Variants in IMMP2L observed in about 807,000 individuals in gnomAD.
IMMP2L encodes mitochondrial inner membrane protease subunit 2.
IMMP2L carries 18 observed loss-of-function variants against 19.3 expected under a neutral mutation model. The observed-to-expected ratio is 0.93, with a 90% CI of 0.64 to 1.38. IMMP2L has a LOEUF of 1.38. IMMP2L is among the 40% of genes most tolerant of loss of function. IMMP2L has a pLI of 0.00. For synonymous variants in IMMP2L, 76 were observed against 73.0 expected (o/e 1.04, Z -0.21); for missense variants, 233 against 218.2 (o/e 1.07, Z -0.43).
chr7:110,819,973 C>A (rs749468080), intron 5 of IMMP2L, among the ~76,000 whole-genome samples: 1 of 151,656 alleles, frequency 6.6e-6, no homozygotes. Context: ...CCATATTTAC[C>A]TTGTTTTTCA....
chr7:111,339,937 G>C (rs1826845149), intron 3 of IMMP2L, among the ~76,000 whole-genome samples: 1 of 151,976 alleles, frequency 6.6e-6, no homozygotes, highest in Admixed American at 6.6e-5. Flanking sequence ...TAGCCCCCCA[G>C]AGTGCTAGTT....
chr7:111,438,482 A>C lies in IMMP2L; in HGVS notation c.239+48756T>G, dbSNP rs1403792887. ...AGCTCTTTTTATAACAACTTCTGAC[A>C]ATCCTCTAGAGAACAAAAATTCACT... On this transcript the variant is annotated intron_variant, in intron 3 of 5. Coordinates refer to ENST00000405709, the MANE Select transcript of IMMP2L (RefSeq NM_032549.4). 2.0e-5 allele frequency among the ~76,000 whole-genome samples: 3 copies of C among 151,964 alleles called. No individual in the cohort carries two copies. In the East Asian group the frequency reaches 5.8e-4, roughly 29 times the overall value.
chr7:110,746,663 A>C (rs1376686292), intron 5 of IMMP2L, among the ~76,000 whole-genome samples: 2 of 152,216 alleles, frequency 1.3e-5, no homozygotes, highest in Non-Finnish European at 2.9e-5. Context: ...CTGGGTACAT[A>C]ACAAAATGAA....
At chr7:110,978,994 T>G (rs536689689) in intron 3 of IMMP2L, among the ~76,000 whole-genome samples, 2 of 152,214 alleles carry the variant, frequency 1.3e-5, no homozygotes, top group South Asian at 2.1e-4. Flanking sequence ...TTATATTATT[T>G]ATGGGATGGA....
intron 3 of IMMP2L, among the ~76,000 whole-genome samples, chr7:111,108,241 G>A (rs1798771069): frequency 6.6e-6 from 1 of 152,068 alleles, no homozygotes; most frequent in Admixed American, 6.6e-5. Flanking sequence ...TTTTCTAGAG[G>A]ACTTTTCTCA....
chr7:111,124,554 T>C (rs2129590087), intron 3 of IMMP2L: 1 of 1,613,690 alleles, frequency 6.2e-7, no homozygotes, highest in African/African-American at 1.3e-5. Context: ...TTTGTATTGA[T>C]ATTCCCACCA....
chr7:111,129,809 T>C (rs1388100577), intron 3 of IMMP2L, among the ~76,000 whole-genome samples: 1 of 152,168 alleles, frequency 6.6e-6, no homozygotes, highest in East Asian at 1.9e-4. Context: ...AATGAAAATA[T>C]TATTTTTACA....
intron 3 of IMMP2L, among the ~76,000 whole-genome samples, chr7:111,254,023 T>A (rs1172388343): frequency 6.6e-6 from 1 of 152,144 alleles, no homozygotes; most frequent in Admixed American, 6.5e-5. Flanking sequence ...TAACTCCACA[T>A]AGTGCAAGGC....
intron 5 of IMMP2L, among the ~76,000 whole-genome samples, chr7:110,867,550 G>A (rs931419719): frequency 3.3e-5 from 5 of 151,860 alleles, no homozygotes; most frequent in Non-Finnish European, 7.4e-5. Context: ...TGTATGTGGG[G>A]ACCTGAAAGA....
intron 3 of IMMP2L, among the ~76,000 whole-genome samples, chr7:111,364,261 T>C (rs1450594824): frequency 2.0e-5 from 3 of 152,232 alleles, no homozygotes; most frequent in Admixed American, 6.6e-5. Context: ...ATAATTAGCA[T>C]ATTCACTTCT....
intron 3 of IMMP2L, among the ~76,000 whole-genome samples, chr7:111,015,014 G>T (rs1295445543): frequency 6.6e-6 from 1 of 152,126 alleles, no homozygotes; most frequent in African/African-American, 2.4e-5. Flanking sequence ...AAAAAATTAA[G>T]ATTAAAATTA....
intron 3 of IMMP2L, among the ~76,000 whole-genome samples, chr7:111,192,852 A>G (rs945861486): frequency 1.3e-5 from 2 of 152,142 alleles, no homozygotes; most frequent in Non-Finnish European, 2.9e-5. Flanking sequence ...AAAACAAATT[A>G]CAGAGGCAAG....
At chr7:111,260,655 T>C (rs558359696) in intron 3 of IMMP2L, among the ~76,000 whole-genome samples, 12 of 152,278 alleles carry the variant, frequency 7.9e-5, no homozygotes, top group Admixed American at 7.2e-4. Flanking sequence ...TGCAAAACAA[T>C]TTAATCATAC....
intron 5 of IMMP2L, among the ~76,000 whole-genome samples, chr7:110,825,376 C>G (rs1478872359): frequency 6.6e-6 from 1 of 152,096 alleles, no homozygotes; most frequent in Non-Finnish European, 1.5e-5. Context: ...CCCGCATTGC[C>G]AAGTCAATCC....
At chr7:111,084,455 AAGAT>A (rs1230684208) in intron 3 of IMMP2L, among the ~76,000 whole-genome samples, 1 of 152,140 alleles carries the variant, frequency 6.6e-6, no homozygotes, top group Non-Finnish European at 1.5e-5. Context: ...GATAGGTAGA[AAGAT>A]AGATAGACGG....
At chr7:110,690,637 T>C (rs73208715) in intron 5 of IMMP2L, among the ~76,000 whole-genome samples, 2,861 of 152,202 alleles carry the variant, frequency 0.019, 36 homozygotes, top group Admixed American at 0.034. Flanking sequence ...TATACACAAA[T>C]TGGTATCACT....
chr7:110,735,106 A>C (rs1796527586), intron 5 of IMMP2L, among the ~76,000 whole-genome samples: 1 of 152,092 alleles, frequency 6.6e-6, no homozygotes, highest in African/African-American at 2.4e-5. Context: ...CAATGGAAAT[A>C]ACCGACATGC....
rs557683420 is a variant in IMMP2L at position 111,213,733 on chromosome 7, G to C, written c.240-250168C>G. 2.0e-5 allele frequency among the ~76,000 whole-genome samples: 3 copies of C among 152,288 alleles called. No individual in the cohort carries two copies. The highest frequency in any genetic ancestry group is 4.1e-4 in the South Asian group (2 of 4,824). On this transcript the variant is annotated intron_variant, in intron 3 of 5. Coordinates refer to ENST00000405709, the MANE Select transcript of IMMP2L (RefSeq NM_032549.4). This position sits in a 1 kb window ranked among gnomAD's most constrained non-coding sequence, Gnocchi z 4.8. ...AGCTAAAGAGATGACAGTATGACCA[G>C]TTGTGGAGAGGAGCTACCCACACCA...
At chr7:111,134,434 T>C (rs1333712587) in intron 3 of IMMP2L, among the ~76,000 whole-genome samples, 1 of 152,004 alleles carries the variant, frequency 6.6e-6, no homozygotes, top group Non-Finnish European at 1.5e-5. Flanking sequence ...CATTGTGCCC[T>C]CCTAAGAAGC....
Sources: gnomAD v4.1 joint callset for allele counts (sites outside exome capture counted in the v4.1 genomes callset) on GRCh38, gnomAD v4.1.1 for gene constraint, Gnocchi (gnomAD v3.1) non-coding constraint, MANE v1.5 for transcripts, NCBI Gene and HGNC (gene_info 2026-07-23, HGNC 2026-07-21) for gene names.